Variants in GSK3B observed in about 807,000 individuals in gnomAD.
GSK3B encodes glycogen synthase kinase-3 beta.
GSK3B carries 15 observed loss-of-function variants against 56.4 expected under a neutral mutation model. That is an observed-to-expected ratio of 0.27 (90% CI 0.18 to 0.41). The LOEUF is 0.41. Ranked by LOEUF, GSK3B falls within the 10% of genes least tolerant of loss-of-function variation. The probability of loss-of-function intolerance (pLI) is 1.00; values close to 1 mark genes in which losing one functional copy is unlikely to be tolerated. For missense variants in GSK3B, 300 were observed against 513.4 expected (o/e 0.58, Z 4.02); for synonymous variants, 181 against 188.9 (o/e 0.96, Z 0.34).
At chr3:119,883,788 G>A (rs2056404726) in intron 7 of GSK3B, among the ~76,000 whole-genome samples, 1 of 152,130 alleles carries the variant, frequency 6.6e-6, no homozygotes, top group African/African-American at 2.4e-5. Context: ...ATTTTAGGAG[G>A]TGGCATCAAA....
intron 7 of GSK3B, among the ~76,000 whole-genome samples, chr3:119,905,508 A>C (rs906096415): frequency 1.3e-5 from 2 of 152,092 alleles, no homozygotes; most frequent in African/African-American, 2.4e-5. Context: ...AATAACAGAT[A>C]TATACCTTTC....
At chr3:119,958,758 ATTTTTAATGAAAAGAGTGTTCACT>A (rs1216827155) in intron 2 of GSK3B, among the ~76,000 whole-genome samples, 2 of 151,550 alleles carry the variant, frequency 1.3e-5, no homozygotes, top group Non-Finnish European at 2.9e-5. Flanking sequence ...GATTAAAAAG[ATTTTTAATGAAAAGAGTGTTCACT>A]TTTTTCATGA....
Position 120,055,078 on chromosome 3 carries a change from C to T in GSK3B, c.88+38269G>A, listed in dbSNP as rs143435607. On this transcript the variant is annotated intron_variant, in intron 1 of 10. Coordinates refer to ENST00000264235, the MANE Select transcript of GSK3B (RefSeq NM_001146156.2). ...CCTTCATTCCTCCCTCACTTCTTAA[C>T]GATATCTTGCCTAGGCCCTCCCATA... Among the ~76,000 whole-genome samples the T allele has an allele frequency of 3.6e-4, 55 of 152,196 alleles. 1 individual carries two copies. In the South Asian group the frequency reaches 1.0e-2, roughly 28 times the overall value.
rs2055492863 is a variant in GSK3B, at chr3:119,825,670, A to T, written c.*1118T>A. The T allele has an allele frequency of 4.4e-6, 1 of 227,116 alleles. No individual in the cohort carries two copies. The highest frequency in any genetic ancestry group is 2.2e-5 in the African/African-American group (1 of 45,066). 14.1% of individuals were successfully genotyped at this position (227,116 alleles called of 1,614,324 possible). On this transcript the variant is annotated 3_prime_UTR_variant, in exon 11 of 11. Transcript: ENST00000264235. ...AGGTTAAAAAACAAATTAAATACAG[A>T]TTCTAGATTTGGATTTAAAATTAGA...
At chr3:120,011,138 G>C (rs1051432213) in intron 1 of GSK3B, among the ~76,000 whole-genome samples, 1 of 152,122 alleles carries the variant, frequency 6.6e-6, no homozygotes, top group Admixed American at 6.5e-5. Context: ...AACAAAAACT[G>C]TCTGGGGTCC....
chr3:119,969,111 G>A (rs2057344014), intron 2 of GSK3B, among the ~76,000 whole-genome samples: 2 of 151,942 alleles, frequency 1.3e-5, no homozygotes, highest in South Asian at 2.1e-4. Flanking sequence ...GGCCAACACC[G>A]TGAAACCCCG....
intron 1 of GSK3B, among the ~76,000 whole-genome samples, chr3:120,041,888 A>G (rs1158538036): frequency 1.3e-5 from 2 of 152,220 alleles, no homozygotes; most frequent in Non-Finnish European, 2.9e-5. Context: ...AAACTTGTGA[A>G]TTGTTTGCAC....
chr3:119,948,006 TATG>T, intron 2 of GSK3B, among the ~76,000 whole-genome samples: 1 of 152,244 alleles, frequency 6.6e-6, no homozygotes, highest in East Asian at 1.9e-4. Flanking sequence ...CACTAAATAA[TATG>T]ATGATTTCTT....
At chr3:119,939,092 GA>G (rs2057023029) in intron 3 of GSK3B, among the ~76,000 whole-genome samples, 1 of 151,932 alleles carries the variant, frequency 6.6e-6, no homozygotes, top group African/African-American at 2.4e-5. Context: ...GGGCTGGGGG[GA>G]GAGAAAATAG....
intron 2 of GSK3B, among the ~76,000 whole-genome samples, chr3:119,952,809 A>G (rs77178661): frequency 0.085 from 12,976 of 152,160 alleles, 687 homozygotes; most frequent in Non-Finnish European, 0.11. Flanking sequence ...ACATCCTCAC[A>G]CTTAAAAAAA....
intron 2 of GSK3B, among the ~76,000 whole-genome samples, chr3:119,954,222 G>A (rs1355218521): frequency 9.9e-6 from 1 of 101,368 alleles, no homozygotes; most frequent in Non-Finnish European, 2.0e-5. Flanking sequence ...AGTGTGGAAG[G>A]AGAATAGAAT....
At chr3:119,844,355 C>T (rs1285082238) in intron 9 of GSK3B, among the ~76,000 whole-genome samples, 6 of 95,766 alleles carry the variant, frequency 6.3e-5, no homozygotes, top group East Asian at 3.8e-4. Context: ...GACAGAGACA[C>T]AAAAAACTCT....
chr3:120,001,588 A>G (rs1287373823), intron 2 of GSK3B, among the ~76,000 whole-genome samples: 2 of 152,276 alleles, frequency 1.3e-5, no homozygotes, highest in Middle Eastern at 3.4e-3. Flanking sequence ...AAATTACTCA[A>G]TATCAGGTAT....
At chr3:120,025,723 C>G (rs1008126764) in intron 1 of GSK3B, among the ~76,000 whole-genome samples, 2 of 152,060 alleles carry the variant, frequency 1.3e-5, no homozygotes, top group Non-Finnish European at 2.9e-5. Context: ...GGCATCCAAA[C>G]AGAAAAAAAT....
intron 2 of GSK3B, among the ~76,000 whole-genome samples, chr3:120,001,673 C>T (rs1287442155): frequency 6.6e-6 from 1 of 152,142 alleles, no homozygotes; most frequent in East Asian, 1.9e-4. Context: ...AAAAAGGAAG[C>T]ATAGTCAAAT....
chr3:120,079,305 TACACACAC>T (rs61338597), intron 1 of GSK3B, among the ~76,000 whole-genome samples: 13,683 of 128,284 alleles, frequency 0.11, 802 homozygotes, highest in Admixed American at 0.18. Context: ...GACAGGAAAT[TACACACAC>T]ACACACACAC....
chr3:119,998,767 T>G (rs1282590982), intron 2 of GSK3B, among the ~76,000 whole-genome samples: 1 of 152,166 alleles, frequency 6.6e-6, no homozygotes, highest in African/African-American at 2.4e-5. Flanking sequence ...ACCTGGGCCA[T>G]GTAGTGAGAT....
chr3:119,853,902 T>C (rs2055977463), intron 9 of GSK3B, among the ~76,000 whole-genome samples: 1 of 152,156 alleles, frequency 6.6e-6, no homozygotes, highest in South Asian at 2.1e-4. Context: ...CCTAATTCTT[T>C]TCCTTTATTT....
At chr3:119,856,768 TGTCCTA>T (rs199805432) in intron 9 of GSK3B, among the ~76,000 whole-genome samples, 2,140 of 152,290 alleles carry the variant, frequency 0.014, 19 homozygotes, top group South Asian at 0.038. Context: ...TCTATTGATG[TGTCCTA>T]CACACATCAA....
Sources: gnomAD v4.1 joint callset for allele counts (sites outside exome capture counted in the v4.1 genomes callset) on GRCh38, gnomAD v4.1.1 for gene constraint, MANE v1.5 for transcripts, NCBI Gene and HGNC (gene_info 2026-07-23, HGNC 2026-07-21) for gene names.